FRMD6: variants seen among roughly 807,000 people sequenced by gnomAD.
FRMD6 encodes the protein FERM domain containing 6, also known as FERM domain-containing protein 6.
In FRMD6, 37 loss-of-function variants were observed where a neutral mutation model predicts 73.2. The ratio of observed to expected loss-of-function variants is 0.51; its 90% CI spans 0.39 to 0.66. FRMD6 has a LOEUF of 0.66. FRMD6 is among the 30% of genes least tolerant of loss of function. The probability of loss-of-function intolerance (pLI) is 0.00; values close to 1 mark genes in which losing one functional copy is unlikely to be tolerated. For synonymous variants in FRMD6, 273 were observed against 282.2 expected (o/e 0.97, Z 0.33); for missense variants, 714 against 780.5 (o/e 0.91, Z 1.02).
intron 1 of FRMD6, among the ~76,000 whole-genome samples, chr14:51,553,076 A>G (rs929625261): frequency 6.6e-6 from 1 of 152,224 alleles, no homozygotes; most frequent in African/African-American, 2.4e-5. Context: ...ATCTTAATAC[A>G]TTGTGAATAA....
the FRMD6 span, among the ~76,000 whole-genome samples, chr14:51,427,262 C>A: frequency 1.3e-5 from 2 of 152,198 alleles, no homozygotes; most frequent in Admixed American, 1.3e-4. Context: ...AGTGTCATGA[C>A]CTGTTACTGT....
At chr14:51,557,161 A>C (rs1887179199) in intron 1 of FRMD6, among the ~76,000 whole-genome samples, 1 of 152,066 alleles carries the variant, frequency 6.6e-6, no homozygotes, top group Admixed American at 6.6e-5. Flanking sequence ...GAAGGAAGGA[A>C]GGAAATGAGC....
chr14:51,476,329 C>T, the FRMD6 span, among the ~76,000 whole-genome samples: 2 of 152,234 alleles, frequency 1.3e-5, no homozygotes, highest in South Asian at 4.2e-4. Flanking sequence ...TAAAACAGGA[C>T]CGTAGATTGC....
the FRMD6 span, among the ~76,000 whole-genome samples, chr14:51,463,375 C>T: frequency 2.0e-5 from 3 of 152,238 alleles, no homozygotes; most frequent in African/African-American, 7.2e-5. Flanking sequence ...AATACCTACA[C>T]ATCACTTAAT....
At chr14:51,644,512 A>AT (rs1891976276) in intron 2 of FRMD6, among the ~76,000 whole-genome samples, 1 of 152,196 alleles carries the variant, frequency 6.6e-6, no homozygotes, top group South Asian at 2.1e-4. Flanking sequence ...AGTTAGAGAG[A>AT]TTTTAGATCT....
the FRMD6 span, among the ~76,000 whole-genome samples, chr14:51,437,372 GGCTCACTGCAACCTCC>G: frequency 6.6e-6 from 1 of 150,952 alleles, no homozygotes; most frequent in African/African-American, 2.4e-5. Flanking sequence ...GCGCGATCTC[GGCTCACTGCAACCTCC>G]GCCTGCCGGG....
At chr14:51,581,246 A>G (rs534808271) in intron 2 of FRMD6, among the ~76,000 whole-genome samples, 17 of 152,122 alleles carry the variant, frequency 1.1e-4, no homozygotes, top group African/African-American at 3.9e-4. Flanking sequence ...TCTCTCCCCC[A>G]TCTTTCTTTA....
intron 12 of FRMD6, among the ~76,000 whole-genome samples, chr14:51,723,302 G>T (rs769179068): frequency 2.0e-5 from 3 of 152,110 alleles, no homozygotes; most frequent in Admixed American, 1.3e-4. Flanking sequence ...TGTGTATGCC[G>T]CAGTGCCTTT....
chr14:51,570,454 C>T (rs997252787), intron 2 of FRMD6: 4 of 152,000 alleles, frequency 2.6e-5, no homozygotes, highest in Admixed American at 1.3e-4. Context: ...TTTCAAAAAA[C>T]AAAAACCGAA....
At chr14:51,574,732 T>C (rs1888315526) in intron 2 of FRMD6, among the ~76,000 whole-genome samples, 1 of 152,118 alleles carries the variant, frequency 6.6e-6, no homozygotes, top group Non-Finnish European at 1.5e-5. Context: ...TATAGTTAGA[T>C]AGAATGAATA....
chr14:51,630,430 C>A (rs958827937), intron 2 of FRMD6, among the ~76,000 whole-genome samples: 5 of 151,924 alleles, frequency 3.3e-5, no homozygotes, highest in African/African-American at 1.2e-4. Context: ...TTTCATTATG[C>A]CAACTGAGAA....
chr14:51,616,760 A>G (rs1890732187), intron 2 of FRMD6, among the ~76,000 whole-genome samples: 1 of 152,186 alleles, frequency 6.6e-6, no homozygotes, highest in African/African-American at 2.4e-5. Flanking sequence ...CCATAATCCT[A>G]TATTTCTGCT....
chr14:51,442,430 T>C, the FRMD6 span, among the ~76,000 whole-genome samples: 1 of 152,194 alleles, frequency 6.6e-6, no homozygotes, highest in African/African-American at 2.4e-5. Flanking sequence ...ATTTTAGTAA[T>C]TGCCCAGTGA....
the FRMD6 span, among the ~76,000 whole-genome samples, chr14:51,421,183 G>A: frequency 1.3e-5 from 2 of 152,156 alleles, 1 homozygote; most frequent in South Asian, 4.1e-4. Context: ...TGTGTTGACA[G>A]CAGCTACATT....
chr14:51,531,732 G>A (rs970285785), intron 1 of FRMD6, among the ~76,000 whole-genome samples: 1 of 152,194 alleles, frequency 6.6e-6, no homozygotes, highest in African/African-American at 2.4e-5. Flanking sequence ...TGGAACAGGT[G>A]AAGTTCTTTC....
At chr14:51,628,905 C>G (rs1236351637) in intron 2 of FRMD6, among the ~76,000 whole-genome samples, 4 of 107,188 alleles carry the variant, frequency 3.7e-5, no homozygotes, top group African/African-American at 1.4e-4. Flanking sequence ...GAGACGGAGT[C>G]TCGCTCCGTT....
intron 1 of FRMD6, among the ~76,000 whole-genome samples, chr14:51,663,237 C>T (rs139598530): frequency 2.6e-5 from 4 of 152,310 alleles, no homozygotes; most frequent in African/African-American, 9.6e-5. Flanking sequence ...AACAGAAATA[C>T]AGTTAGACTC....
At chr14:51,700,427 T>C (rs995177027) in intron 3 of FRMD6, among the ~76,000 whole-genome samples, 3 of 152,076 alleles carry the variant, frequency 2.0e-5, no homozygotes, top group Non-Finnish European at 4.4e-5. Flanking sequence ...GCATCCATAC[T>C]TGTTTTTCAT....
intron 2 of FRMD6, among the ~76,000 whole-genome samples, chr14:51,634,482 A>T (rs1891467237): frequency 6.6e-6 from 1 of 152,226 alleles, no homozygotes; most frequent in Non-Finnish European, 1.5e-5. Flanking sequence ...GAAGGCTTTG[A>T]TGAAAGCTCT....
Sources: gnomAD v4.1 joint callset for allele counts (sites outside exome capture counted in the v4.1 genomes callset) on GRCh38, gnomAD v4.1.1 for gene constraint, MANE v1.5 for transcripts, NCBI Gene and HGNC (gene_info 2026-07-23, HGNC 2026-07-21) for gene names.